Variants in TFB2M observed in about 807,000 individuals in gnomAD.
The protein encoded by TFB2M is transcription factor B2, mitochondrial.
A neutral mutation model predicts 41.3 loss-of-function variants in TFB2M; 44 were observed. That is an observed-to-expected ratio of 1.07 (90% CI 0.84 to 1.37). The LOEUF is 1.37. Among genes scored for constraint, TFB2M ranks in the 40% most tolerant of loss-of-function variants. The probability of loss-of-function intolerance (pLI) is 0.00; values close to 1 mark genes in which losing one functional copy is unlikely to be tolerated. For missense variants in TFB2M, 496 were observed against 490.2 expected (o/e 1.01, Z -0.11); for synonymous variants, 188 against 176.8 (o/e 1.06, Z -0.50).
chr1:246,559,357 C>T (rs1186673086), intron 2 of TFB2M, among the ~76,000 whole-genome samples: 10 of 151,996 alleles, frequency 6.6e-5, no homozygotes, highest in Non-Finnish European at 1.5e-4. Flanking sequence ...GAGATGAGCA[C>T]GGCCAACATG....
chr1:246,559,610 A>G (rs1366700307), intron 2 of TFB2M, among the ~76,000 whole-genome samples: 1 of 152,190 alleles, frequency 6.6e-6, no homozygotes, highest in Non-Finnish European at 1.5e-5. Flanking sequence ...GGAAGTTTTA[A>G]AAAGACTAGA....
Position 246,556,657 on chromosome 1 carries a change from G to A in TFB2M, c.621C>T (p.Leu207=), listed in dbSNP as rs373504632. The part of the protein sequence containing the change: ...SRGEKRALWK[L]AYDLYSCTSI... Reference sequence around the variant, plus strand: ...AAGTACAGGAATACAAGTCATATGCGAGTTTCCAAAGTGCCCTTTTCTCAC... The same window carrying A: ...AAGTACAGGAATACAAGTCATATGCAAGTTTCCAAAGTGCCCTTTTCTCAC... The change falls in exon 4 of 8, where the codon CTC becomes CTT. Residue 207 remains leucine (L), a synonymous_variant. Transcript: ENST00000366514. 15 of 1,581,856 alleles carry A rather than the reference G, an allele frequency of 9.5e-6. No individual in the cohort carries two copies. The highest frequency in any genetic ancestry group is 8.3e-5 in the South Asian group (7 of 84,498).
In TFB2M at chr1:246,546,507, G is replaced by A. The variant is rs539911143; in HGVS notation, c.859-1826C>T. The stretch of plus-strand genomic sequence containing the variant: ...GAGCATGCCTGTAATCCCAGCATTC[G>A]GGAGGGTGAGGCAGGAGAAACACTT... On this transcript the variant is annotated intron_variant, in intron 6 of 7. Transcript: ENST00000366514. Among the ~76,000 whole-genome samples the A allele has an allele frequency of 1.1e-3, 164 of 151,716 alleles. 1 individual carries two copies. The highest frequency in any genetic ancestry group is 3.6e-3 in the African/African-American group (147 of 41,384).
At position 246,540,981 on chromosome 1, in the gene TFB2M, CAT is replaced by C. The variant is rs1322262600; in HGVS notation, c.*48_*49del. 6 of 1,555,126 alleles carry C rather than the reference CAT, an allele frequency of 3.9e-6. No homozygotes were observed. Among genetic ancestry groups the C allele is most frequent in the Non-Finnish European group, 5.2e-6 (6 of 1,151,844 alleles). ...GAGTTTTCAAATTTGGTTTTCATGT[CAT>C]AGTTTCCAAATAAATGAACCGCTCC... is the stretch of plus-strand genomic sequence containing the variant. On this transcript the variant is annotated 3_prime_UTR_variant, in exon 8 of 8. Transcript: ENST00000366514.
At chr1:246,544,931 G>A (rs893356621) in intron 6 of TFB2M, among the ~76,000 whole-genome samples, 4 of 151,260 alleles carry the variant, frequency 2.6e-5, no homozygotes, top group South Asian at 2.1e-4. Flanking sequence ...TCAGCCTCCC[G>A]AGTAGCTGGG....
chr1:246,554,498 C>T (rs941660004), intron 4 of TFB2M, among the ~76,000 whole-genome samples: 2 of 109,660 alleles, frequency 1.8e-5, no homozygotes, highest in Admixed American at 1.8e-4. Context: ...ATTGCGCATG[C>T]GAAGGATCTG....
At chr1:246,552,718 G>A (rs949520056) in intron 4 of TFB2M, among the ~76,000 whole-genome samples, 6 of 151,802 alleles carry the variant, frequency 4.0e-5, no homozygotes, top group Non-Finnish European at 7.4e-5. Context: ...TTCTTTTAAT[G>A]TTTTAAAGTT....
chr1:246,556,503 C>T, intron 4 of TFB2M, 70 bp downstream of exon 4: 1 of 1,160,106 alleles, frequency 8.6e-7, no homozygotes, highest in Non-Finnish European at 1.2e-6. Context: ...ATTAAAATCG[C>T]ACAGATTAAG....
chr1:246,546,665 C>T (rs1384334647), intron 6 of TFB2M, among the ~76,000 whole-genome samples: 2 of 144,570 alleles, frequency 1.4e-5, no homozygotes, highest in Non-Finnish European at 3.0e-5. Flanking sequence ...AAAACCCAAA[C>T]ATGGCATTAA....
At chr1:246,553,899 C>G (rs766583594) in intron 4 of TFB2M, among the ~76,000 whole-genome samples, 31 of 152,152 alleles carry the variant, frequency 2.0e-4, no homozygotes, top group Non-Finnish European at 4.1e-4. Context: ...CCTAAACAAT[C>G]ATTAAAAAGA....
At chr1:246,555,011 A>T (rs1391883752) in intron 4 of TFB2M, among the ~76,000 whole-genome samples, 1 of 152,230 alleles carries the variant, frequency 6.6e-6, no homozygotes, top group East Asian at 1.9e-4. Context: ...GCAACAAACA[A>T]AATAACCCAT....
intron 7 of TFB2M, 145 bp downstream of exon 7, chr1:246,544,376 A>G: frequency 7.0e-6 from 5 of 717,958 alleles, no homozygotes; most frequent in South Asian, 1.9e-5. Context: ...AATGTACACC[A>G]GGGAGAACAA....
At chr1:246,561,217 G>C (rs1659447415) in intron 2 of TFB2M, among the ~76,000 whole-genome samples, 1 of 152,192 alleles carries the variant, frequency 6.6e-6, no homozygotes. Context: ...ACTAAAAAGT[G>C]AGAGAATATG....
chr1:246,564,176 C>A (rs1480034232), intron 2 of TFB2M, among the ~76,000 whole-genome samples, 170 bp downstream of exon 2: 1 of 152,210 alleles, frequency 6.6e-6, no homozygotes, highest in East Asian at 1.9e-4. Flanking sequence ...AGCCATTCAA[C>A]AGCACTGAAT....
chr1:246,557,005 G>A (rs935934368), intron 3 of TFB2M, among the ~76,000 whole-genome samples: 1 of 152,088 alleles, frequency 6.6e-6, no homozygotes, highest in Non-Finnish European at 1.5e-5. Context: ...GGGGTACGGT[G>A]GCTCACATCT....
intron 7 of TFB2M, among the ~76,000 whole-genome samples, chr1:246,544,025 A>T (rs553177872): frequency 8.5e-5 from 13 of 152,248 alleles, no homozygotes; most frequent in African/African-American, 3.1e-4. Context: ...ACTTATATAG[A>T]CATAAAGCAA....
rs1659175508 is a variant in TFB2M at position 246,551,303 on chromosome 1, C to T, written c.706-1G>A. Reference sequence around the variant, plus strand: ...GATTTCCGGGATCTGCCATTAGTTTCTAGTAAAAGGAAAATAAAAATTACA... The same window carrying T: ...GATTTCCGGGATCTGCCATTAGTTTTTAGTAAAAGGAAAATAAAAATTACA... On this transcript the variant is annotated splice_acceptor_variant, in intron 4 of 7. Transcript: ENST00000366514. LOFTEE classifies it high-confidence loss of function. 1 of 1,605,092 alleles carries T rather than the reference C, an allele frequency of 6.2e-7. No individual in the cohort carries two copies. The highest frequency in any genetic ancestry group is 8.5e-7 in the Non-Finnish European group (1 of 1,172,112).
intron 2 of TFB2M, among the ~76,000 whole-genome samples, chr1:246,562,423 T>C (rs746460206): frequency 4.6e-5 from 7 of 152,224 alleles, no homozygotes; most frequent in South Asian, 2.1e-4. Context: ...TCTATGCAAC[T>C]GTATCTGACT....
chr1:246,565,370 C>T (rs1395224423), intron 1 of TFB2M, among the ~76,000 whole-genome samples: 1 of 152,206 alleles, frequency 6.6e-6, no homozygotes, highest in Non-Finnish European at 1.5e-5. Context: ...ACGATACAGA[C>T]TCTACGCTTA....
Sources: allele counts gnomAD v4.1 joint callset (sites outside exome capture counted in the v4.1 genomes callset), GRCh38; gene constraint gnomAD v4.1.1; transcripts MANE v1.5; gene names NCBI Gene and HGNC (gene_info 2026-07-23, HGNC 2026-07-21).